The following SLCO6A1 variants were observed in gnomAD, a reference collection of about 807,000 sequenced individuals.
The protein encoded by SLCO6A1 is cancer/testis antigen 48.
In SLCO6A1, 65 loss-of-function variants were observed where a neutral mutation model predicts 72.7. The ratio of observed to expected loss-of-function variants is 0.89; its 90% CI spans 0.73 to 1.10. The LOEUF is 1.10. Ranked by LOEUF, SLCO6A1 falls within the 50% of genes least tolerant of loss-of-function variation. The pLI is 0.00. For missense variants in SLCO6A1, 874 were observed against 872.6 expected, an observed-to-expected ratio of 1.00 and a Z score of -0.02; for synonymous variants, 314 against 298.2, an observed-to-expected ratio of 1.05 and a Z score of -0.55.
chr5:102,457,437 C>T (rs1251132873), intron 6 of SLCO6A1, among the ~76,000 whole-genome samples: 4 of 151,678 alleles, frequency 2.6e-5, no homozygotes, highest in Non-Finnish European at 4.4e-5. Flanking sequence ...AAAAAGTGGG[C>T]AAAGGATATG....
intron 4 of SLCO6A1, among the ~76,000 whole-genome samples, chr5:102,463,365 T>G (rs1751143358): frequency 6.6e-6 from 1 of 152,162 alleles, no homozygotes; most frequent in African/African-American, 2.4e-5. Context: ...AGTATGGAGA[T>G]TTCTTAAAGA....
intron 12 of SLCO6A1, among the ~76,000 whole-genome samples, chr5:102,381,956 T>C (rs1164263654): frequency 6.6e-6 from 1 of 151,696 alleles, no homozygotes; most frequent in Non-Finnish European, 1.5e-5. Flanking sequence ...CCTTATATAT[T>C]TTGAATATTA....
intron 2 of SLCO6A1, among the ~76,000 whole-genome samples, chr5:102,479,900 C>T (rs1485394696): frequency 6.6e-6 from 1 of 152,150 alleles, no homozygotes; most frequent in Admixed American, 6.5e-5. Context: ...TGTTTCCCTT[C>T]TCCTAGGGAT....
Position 102,458,375 on chromosome 5 carries a change from A to T in SLCO6A1, c.1131+7T>A. The T allele has an allele frequency of 1.9e-6, 3 of 1,582,450 alleles. No individual in the cohort carries two copies. The highest frequency in any genetic ancestry group is 2.6e-6 in the Non-Finnish European group (3 of 1,157,766). ...TTGGATTGTTCAAGTAAAATATTTT[A>T]CTTTACCCAAAGAGCAGCACATAAA... On this transcript the variant is annotated splice_region_variant and intron_variant, in intron 6 of 13. Transcript: ENST00000506729.
intron 10 of SLCO6A1, among the ~76,000 whole-genome samples, chr5:102,397,579 GCCT>G (rs200659585): frequency 0.01 from 1,588 of 152,172 alleles, 30 homozygotes; most frequent in Admixed American, 0.042. Context: ...AAATTTTCAA[GCCT>G]CCTTCTCCTT....
intron 6 of SLCO6A1, among the ~76,000 whole-genome samples, chr5:102,443,114 G>A (rs973807730): frequency 1.3e-5 from 2 of 152,052 alleles, no homozygotes; most frequent in African/African-American, 2.4e-5. Flanking sequence ...GGAGAATGGC[G>A]TGAACCTGGA....
At chr5:102,481,352 A>T (rs957685101) in intron 1 of SLCO6A1, among the ~76,000 whole-genome samples, 1 of 152,142 alleles carries the variant, frequency 6.6e-6, no homozygotes, top group Non-Finnish European at 1.5e-5. Context: ...ATAGCATCAC[A>T]TTTATTCCTG....
chr5:102,420,514 A>T (rs1225738739), intron 7 of SLCO6A1, among the ~76,000 whole-genome samples: 1 of 152,178 alleles, frequency 6.6e-6, no homozygotes, highest in Non-Finnish European at 1.5e-5. Context: ...TAGAAGAGCC[A>T]TTAAAAGACA....
chr5:102,491,029 C>T (rs1431023774), intron 1 of SLCO6A1, among the ~76,000 whole-genome samples: 1 of 152,050 alleles, frequency 6.6e-6, no homozygotes, highest in African/African-American at 2.4e-5. Context: ...TTTGGCAGGG[C>T]GCTGATTGGT....
Position 102,498,512 on chromosome 5 carries a change from G to C in SLCO6A1, c.333C>G (p.Phe111Leu). 4 of 1,613,902 alleles carry C rather than the reference G, an allele frequency of 2.5e-6. No individual in the cohort carries two copies. Among genetic ancestry groups the C allele is most frequent in the Non-Finnish European group, 3.4e-6 (4 of 1,179,900 alleles). ...CCNNIRCFMI[F>L]YCILLICQGV... Reference sequence around the variant, plus strand: ...CTTGACATATGAGCAGGATGCAGTAGAAAATCATGAAGCAGCGAATGTTAT... The same window carrying C: ...CTTGACATATGAGCAGGATGCAGTACAAAATCATGAAGCAGCGAATGTTAT... The change falls in exon 1 of 14, where the codon TTC becomes TTG. Residue 111 changes from phenylalanine to leucine, a missense_variant. Physicochemically the swap from Phe to Leu is conservative, Grantham distance 22. Transcript: ENST00000506729.
chr5:102,381,547 A>G (rs1008963144), intron 12 of SLCO6A1, among the ~76,000 whole-genome samples: 5 of 151,682 alleles, frequency 3.3e-5, no homozygotes, highest in Non-Finnish European at 7.4e-5. Context: ...GGGAATGCAG[A>G]TATCTCTTAA....
rs1201948755 is a variant in SLCO6A1 at position 102,498,870 on chromosome 5, A to T, written c.-26T>A. On this transcript the variant is annotated 5_prime_UTR_variant, in exon 1 of 14. Coordinates refer to ENST00000506729, the MANE Select transcript of SLCO6A1 (RefSeq NM_173488.5). ...GGCTCACCCTGGGCGGCTCCTGGCG[A>T]CGCGGCCCGAGTGCTCTCGGCTGCC... The T allele has an allele frequency of 6.3e-7, 1 of 1,578,266 alleles. No individual in the cohort carries two copies. Among genetic ancestry groups the T allele is most frequent in the Non-Finnish European group, 8.6e-7 (1 of 1,164,232 alleles).
chr5:102,375,787 T>C (rs558769061), intron 12 of SLCO6A1, among the ~76,000 whole-genome samples: 10 of 151,992 alleles, frequency 6.6e-5, no homozygotes, highest in Non-Finnish European at 1.5e-4. Context: ...CCAAGATACA[T>C]GAAATAGTAT....
At chr5:102,373,230 T>C (rs1297553709) in intron 13 of SLCO6A1, 107 bp downstream of exon 13, 6 of 669,776 alleles carry the variant, frequency 9.0e-6, no homozygotes, top group African/African-American at 1.9e-5. Context: ...ATAAAATATA[T>C]AGAATTATAT....
At chr5:102,389,450 C>CCCCCG (rs1252005251) in intron 11 of SLCO6A1, among the ~76,000 whole-genome samples, 1 of 64,908 alleles carries the variant, frequency 1.5e-5, no homozygotes, top group African/African-American at 5.3e-5. Context: ...ACCCCGCCCC[C>CCCCCG]CACCCCCACA....
chr5:102,392,986 G>A (rs916109767), intron 10 of SLCO6A1, among the ~76,000 whole-genome samples: 2 of 151,912 alleles, frequency 1.3e-5, no homozygotes, highest in Non-Finnish European at 2.9e-5. Context: ...CCCAAATCTT[G>A]GAAAAAGGCA....
intron 4 of SLCO6A1, among the ~76,000 whole-genome samples, chr5:102,467,228 G>A (rs577159417): frequency 6.6e-6 from 1 of 151,902 alleles, no homozygotes; most frequent in South Asian, 2.1e-4. Flanking sequence ...ATGAAGTTCT[G>A]ATTTCTTTGT....
At chr5:102,395,545 G>T (rs1287880491) in intron 10 of SLCO6A1, among the ~76,000 whole-genome samples, 1 of 151,906 alleles carries the variant, frequency 6.6e-6, no homozygotes, top group East Asian at 1.9e-4. Context: ...TAATCCTTTG[G>T]GTATATACCC....
At chr5:102,392,266 C>T (rs1373600059) in intron 10 of SLCO6A1, among the ~76,000 whole-genome samples, 2 of 151,994 alleles carry the variant, frequency 1.3e-5, no homozygotes, top group Non-Finnish European at 2.9e-5. Flanking sequence ...AACCAATTCT[C>T]AAATGATAAC....
Sources: gnomAD v4.1 joint callset for allele counts (sites outside exome capture counted in the v4.1 genomes callset) on GRCh38, gnomAD v4.1.1 for gene constraint, MANE v1.5 for transcripts, NCBI Gene and HGNC (gene_info 2026-07-23, HGNC 2026-07-21) for gene names.